CSMD1: variants seen among roughly 807,000 people sequenced by gnomAD.
CSMD1 encodes the protein CUB and Sushi multiple domains 1, also known as CUB and sushi domain-containing protein 1.
Under a neutral mutation model 417.5 loss-of-function variants are expected in CSMD1, and 213 were observed. The observed-to-expected ratio is 0.51, with a 90% CI of 0.46 to 0.57. The LOEUF is 0.57. Ranked by LOEUF, CSMD1 falls within the 20% of genes least tolerant of loss-of-function variation. The pLI, the probability that CSMD1 is intolerant of heterozygous loss-of-function variation, is 0.00. For synonymous variants in CSMD1, 2,862 were observed against 1,736.8 expected (o/e 1.65, Z -16.11); for missense variants, 6,923 against 4,529.7 (o/e 1.53, Z -15.17).
chr8:3,091,682 A>G lies in CSMD1; in HGVS notation c.7139-20T>C, dbSNP rs770722478. On this transcript the variant is annotated intron_variant, in intron 47 of 69. Coordinates refer to ENST00000635120, the MANE Select transcript of CSMD1 (RefSeq NM_033225.6). ...AAGAACCTAAGTGAAACAGAAAAAC[A>G]AAAACATTCAGAGATGAGTGAGCAC... The G allele has an allele frequency of 2.3e-5, 37 of 1,601,052 alleles. No homozygotes were observed. The African/African-American group carries it at 4.6e-4, about 20-fold the overall frequency.
At chr8:2,992,987 C>T (rs1806531977) in intron 54 of CSMD1, among the ~76,000 whole-genome samples, 1 of 152,180 alleles carries the variant, frequency 6.6e-6, no homozygotes, top group South Asian at 2.1e-4. Flanking sequence ...CCTGCCTCAG[C>T]CTCCCAAAGT....
intron 2 of CSMD1, among the ~76,000 whole-genome samples, chr8:4,619,901 G>C (rs1801674115): frequency 6.6e-6 from 1 of 151,550 alleles, no homozygotes; most frequent in Admixed American, 6.6e-5. Context: ...ATTAGTACTG[G>C]GCCAATCACA....
intron 30 of CSMD1, among the ~76,000 whole-genome samples, chr8:3,206,565 A>T (rs111494492): frequency 1.0e-5 from 1 of 96,770 alleles, no homozygotes; most frequent in Non-Finnish European, 2.0e-5. Flanking sequence ...CTGTGTGTGT[A>T]TGTGTGTGTG....
intron 10 of CSMD1, among the ~76,000 whole-genome samples, chr8:3,511,247 G>A (rs1797054774): frequency 6.6e-6 from 1 of 151,684 alleles, no homozygotes; most frequent in African/African-American, 2.4e-5. Context: ...AGAGGCTAGG[G>A]AATGAATAGC....
At chr8:4,008,608 T>C (rs993855943) in intron 4 of CSMD1, among the ~76,000 whole-genome samples, 26 of 129,052 alleles carry the variant, frequency 2.0e-4, no homozygotes, top group South Asian at 2.8e-4. Context: ...TTCTTTTTTT[T>C]TTTTTTTTTT....
chr8:4,929,959 T>C (rs984567542), intron 1 of CSMD1, among the ~76,000 whole-genome samples: 1 of 152,240 alleles, frequency 6.6e-6, no homozygotes, highest in Non-Finnish European at 1.5e-5. Context: ...AGCTACAGTT[T>C]TCTGTTGTGA....
chr8:3,090,368 AAGG>A, intron 48 of CSMD1, among the ~76,000 whole-genome samples: 1 of 150,694 alleles, frequency 6.6e-6, no homozygotes, highest in South Asian at 2.1e-4. Context: ...TTTTTGGAAC[AAGG>A]AGTTTGCTGA....
intron 1 of CSMD1, among the ~76,000 whole-genome samples, chr8:4,763,766 G>C (rs919115701): frequency 6.6e-6 from 1 of 152,126 alleles, no homozygotes; most frequent in African/African-American, 2.4e-5. Context: ...CAGGGCAGTC[G>C]TTTCTAACTA....
intron 20 of CSMD1, among the ~76,000 whole-genome samples, chr8:3,361,456 G>A (rs1275914312): frequency 6.6e-6 from 1 of 151,680 alleles, no homozygotes; most frequent in African/African-American, 2.4e-5. Context: ...GTGAAACCCT[G>A]TCTTTACTAA....
At chr8:4,170,986 G>T (rs1448761710) in intron 3 of CSMD1, among the ~76,000 whole-genome samples, 3 of 152,022 alleles carry the variant, frequency 2.0e-5, no homozygotes, top group East Asian at 1.9e-4. Context: ...AACTGAGACT[G>T]TAAGTTCACA....
At chr8:4,406,966 A>C (rs537931782) in intron 3 of CSMD1, among the ~76,000 whole-genome samples, 48 of 152,304 alleles carry the variant, frequency 3.2e-4, no homozygotes, top group African/African-American at 1.1e-3. Flanking sequence ...CTTGTTTCCT[A>C]AACGAGGAAA....
At chr8:3,609,677 T>A (rs3110304) in intron 8 of CSMD1, among the ~76,000 whole-genome samples, 109,732 of 151,136 alleles carry the variant, frequency 0.73, 40,329 homozygotes, top group Middle Eastern at 0.82. Flanking sequence ...TCTACGCATC[T>A]TGGCCTTGTT....
At chr8:3,584,456 T>TG (rs959370661) in intron 9 of CSMD1, among the ~76,000 whole-genome samples, 23 of 151,904 alleles carry the variant, frequency 1.5e-4, no homozygotes, top group Non-Finnish European at 3.1e-4. Flanking sequence ...CGTGAGTAGC[T>TG]GGGGGGTTGA....
At chr8:3,813,124 C>G (rs186716451) in intron 5 of CSMD1, among the ~76,000 whole-genome samples, 3 of 139,708 alleles carry the variant, frequency 2.1e-5, no homozygotes, top group Non-Finnish European at 3.0e-5. Flanking sequence ...TAGATGAAGA[C>G]TTTCACATAT....
chr8:3,394,571 T>G (rs1020825506), intron 17 of CSMD1, among the ~76,000 whole-genome samples: 11 of 152,024 alleles, frequency 7.2e-5, no homozygotes, highest in Non-Finnish European at 1.6e-4. Flanking sequence ...AAATAATTAT[T>G]CTCTGAAGTT....
At chr8:3,984,232 C>G (rs991095173) in intron 5 of CSMD1, among the ~76,000 whole-genome samples, 4 of 152,224 alleles carry the variant, frequency 2.6e-5, no homozygotes, top group African/African-American at 7.2e-5. Flanking sequence ...TGAAGCCATC[C>G]TGCAAAGCGA....
intron 12 of CSMD1, among the ~76,000 whole-genome samples, chr8:3,466,061 G>GA (rs1427120906): frequency 1.4e-4 from 22 of 152,088 alleles, no homozygotes; most frequent in Admixed American, 6.6e-4. Flanking sequence ...CATGTTTGTA[G>GA]AAAAAATCTC....
intron 9 of CSMD1, among the ~76,000 whole-genome samples, chr8:3,576,213 G>A (rs950599739): frequency 2.0e-5 from 3 of 151,980 alleles, no homozygotes; most frequent in Middle Eastern, 3.4e-3. Flanking sequence ...ACCACTGAAC[G>A]CAGGTTTTCC....
intron 2 of CSMD1, among the ~76,000 whole-genome samples, chr8:4,521,570 T>G (rs549614259): frequency 6.6e-6 from 1 of 152,336 alleles, no homozygotes; most frequent in African/African-American, 2.4e-5. Context: ...AGAGTAATGC[T>G]TTTTATTTCA....
Sources: gnomAD v4.1 joint callset for allele counts (sites outside exome capture counted in the v4.1 genomes callset) on GRCh38, gnomAD v4.1.1 for gene constraint, MANE v1.5 for transcripts, NCBI Gene and HGNC (gene_info 2026-07-23, HGNC 2026-07-21) for gene names.